The following KCTD16 variants were observed in gnomAD, a reference collection of about 807,000 sequenced individuals.
KCTD16 encodes BTB/POZ domain-containing protein KCTD16.
Under a neutral mutation model 33.2 loss-of-function variants are expected in KCTD16, and 13 were observed. The ratio of observed to expected loss-of-function variants is 0.39; its 90% CI spans 0.25 to 0.62. KCTD16 has a LOEUF of 0.62. Ranked by LOEUF, KCTD16 falls within the 20% of genes least tolerant of loss-of-function variation. The pLI, the probability that KCTD16 is intolerant of heterozygous loss-of-function variation, is 0.50. For missense variants in KCTD16, 441 were observed against 525.1 expected, an observed-to-expected ratio of 0.84 and a Z score of 1.57; for synonymous variants, 197 against 195.3, an observed-to-expected ratio of 1.01 and a Z score of -0.07.
intron 3 of KCTD16, among the ~76,000 whole-genome samples, chr5:144,319,796 G>C (rs1752025102): frequency 6.6e-6 from 1 of 152,094 alleles, no homozygotes; most frequent in African/African-American, 2.4e-5. Flanking sequence ...AAATGGCTCT[G>C]ATAATCATCA....
intron 2 of KCTD16, among the ~76,000 whole-genome samples, chr5:144,185,985 A>G (rs1047486801): frequency 6.6e-5 from 10 of 152,186 alleles, no homozygotes; most frequent in African/African-American, 2.4e-4. Context: ...GGAAGGGAAT[A>G]TGATAACTTG....
intron 3 of KCTD16, among the ~76,000 whole-genome samples, chr5:144,416,881 TTG>T: frequency 6.6e-6 from 1 of 152,178 alleles, no homozygotes; most frequent in Admixed American, 6.5e-5. Context: ...ATATGTGATA[TTG>T]TGTGTGTGGC....
intron 3 of KCTD16, among the ~76,000 whole-genome samples, chr5:144,388,134 C>T (rs1752370074): frequency 8.4e-6 from 1 of 118,888 alleles, no homozygotes; most frequent in Non-Finnish European, 1.6e-5. Flanking sequence ...GACTGGAGTG[C>T]AGTGGCGGGA....
intron 3 of KCTD16, among the ~76,000 whole-genome samples, chr5:144,386,578 A>G (rs367682803): frequency 1.3e-5 from 2 of 152,210 alleles, no homozygotes; most frequent in South Asian, 4.1e-4. Context: ...TACTCAATAC[A>G]TATTTACTAA....
At chr5:144,172,832 A>T (rs187620943) in intron 1 of KCTD16, among the ~76,000 whole-genome samples, 1 of 152,288 alleles carries the variant, frequency 6.6e-6, no homozygotes, top group Admixed American at 6.5e-5. Context: ...GCAATAATCC[A>T]TCATTATCTA....
chr5:144,225,580 G>A (rs1682341222), intron 3 of KCTD16, among the ~76,000 whole-genome samples: 3 of 151,834 alleles, frequency 2.0e-5, no homozygotes, highest in Admixed American at 2.0e-4. Flanking sequence ...GTGTGTGTGT[G>A]TGTGTGTGTG....
At chr5:144,399,671 CA>C (rs1387109560) in intron 3 of KCTD16, among the ~76,000 whole-genome samples, 10 of 152,060 alleles carry the variant, frequency 6.6e-5, no homozygotes, top group African/African-American at 2.4e-4. Context: ...ATTGATACAC[CA>C]GATGAACAAA....
intron 3 of KCTD16, among the ~76,000 whole-genome samples, chr5:144,212,036 T>C (rs769536965): frequency 2.6e-5 from 4 of 152,166 alleles, no homozygotes; most frequent in Non-Finnish European, 4.4e-5. Context: ...TTAATAGTTG[T>C]GGATCAGGCA....
chr5:144,412,881 C>A (rs1159414853), intron 3 of KCTD16, among the ~76,000 whole-genome samples: 2 of 152,054 alleles, frequency 1.3e-5, no homozygotes, highest in Non-Finnish European at 2.9e-5. Context: ...GTGAGAGAGA[C>A]CCTGTCTCAA....
intron 3 of KCTD16, among the ~76,000 whole-genome samples, chr5:144,343,791 A>G (rs564267321): frequency 7.0e-4 from 107 of 152,188 alleles, no homozygotes; most frequent in African/African-American, 2.2e-3. Flanking sequence ...CTTTGTTCTC[A>G]TTGGTTTCAA....
intron 3 of KCTD16, among the ~76,000 whole-genome samples, chr5:144,461,672 T>C (rs1254889507): frequency 6.6e-6 from 1 of 152,204 alleles, no homozygotes; most frequent in Non-Finnish European, 1.5e-5. Flanking sequence ...GCTCCTCATG[T>C]CCTCTTTAAC....
Position 144,475,319 on chromosome 5 carries a change from T to C in KCTD16, c.*1205T>C, listed in dbSNP as rs1348862832. On this transcript the variant is annotated 3_prime_UTR_variant, in exon 4 of 4. Transcript: ENST00000512467. Reference sequence around the variant, plus strand: ...TTGTTTGCCTTTGGGATTCGGGCTTTGGCTGTGCCCATGCTAGGATTTAGC... The same window carrying C: ...TTGTTTGCCTTTGGGATTCGGGCTTCGGCTGTGCCCATGCTAGGATTTAGC... 2 of 152,240 alleles carry C rather than the reference T, an allele frequency of 1.3e-5. No individual in the cohort carries two copies. The highest frequency in any genetic ancestry group is 2.9e-5 in the Non-Finnish European group (2 of 68,042). The allele number at this position is 152,240 out of a possible 1,614,324, so 9.4% of individuals were successfully genotyped here.
chr5:144,251,726 T>C (rs1279354507), intron 3 of KCTD16, among the ~76,000 whole-genome samples: 4 of 152,206 alleles, frequency 2.6e-5, no homozygotes, highest in Non-Finnish European at 4.4e-5. Flanking sequence ...AAGGTTCAGA[T>C]GCAATTTATA....
chr5:144,261,982 T>G (rs547514369), intron 3 of KCTD16, among the ~76,000 whole-genome samples: 1 of 152,340 alleles, frequency 6.6e-6, no homozygotes, highest in Non-Finnish European at 1.5e-5. Context: ...ATTTACTGAA[T>G]ACTTCATTTG....
chr5:144,471,487 T>A (rs1297671781), intron 3 of KCTD16, among the ~76,000 whole-genome samples: 2 of 152,226 alleles, frequency 1.3e-5, no homozygotes, highest in Admixed American at 6.5e-5. Flanking sequence ...TCCAAAAAGG[T>A]TTAAAACCAG....
intron 3 of KCTD16, among the ~76,000 whole-genome samples, chr5:144,231,004 T>A (rs1288394854): frequency 6.6e-6 from 1 of 152,160 alleles, no homozygotes; most frequent in Non-Finnish European, 1.5e-5. Flanking sequence ...CATGGAGAGC[T>A]AAGCAGAGAG....
chr5:144,417,539 AT>A (rs1753089933), intron 3 of KCTD16, among the ~76,000 whole-genome samples: 1 of 152,054 alleles, frequency 6.6e-6, no homozygotes, highest in Non-Finnish European at 1.5e-5. Context: ...GATTTGCAGT[AT>A]TTTCTCCCAT....
intron 3 of KCTD16, among the ~76,000 whole-genome samples, chr5:144,466,476 C>G (rs2126996912): frequency 6.6e-6 from 1 of 151,982 alleles, no homozygotes; most frequent in East Asian, 1.9e-4. Context: ...CCTCAGAAAG[C>G]CTGGATTTTT....
rs1002807120 is a variant in KCTD16 at position 144,478,781 on chromosome 5, G to A, written c.*4667G>A. On this transcript the variant is annotated 3_prime_UTR_variant, in exon 4 of 4. Coordinates refer to ENST00000512467, the MANE Select transcript of KCTD16 (RefSeq NM_020768.4). ...TCCCACTACAAATAAGTCAAAGCAT[G>A]CATTATTCATTATCTTAAGAGAAAA... 2.0e-5 allele frequency: 3 copies of A among 151,958 alleles called. No individual in the cohort carries two copies. Among genetic ancestry groups the A allele is most frequent in the South Asian group, 2.1e-4 (1 of 4,822 alleles). 9.4% of individuals were successfully genotyped at this position (151,958 alleles called of 1,614,324 possible).
Sources: gnomAD v4.1 joint callset for allele counts (sites outside exome capture counted in the v4.1 genomes callset) on GRCh38, gnomAD v4.1.1 for gene constraint, MANE v1.5 for transcripts, NCBI Gene and HGNC (gene_info 2026-07-23, HGNC 2026-07-21) for gene names.